EPG5: variants seen among roughly 807,000 people sequenced by gnomAD.
EPG5 encodes the protein ectopic P-granules 5 autophagy tethering factor.
In EPG5, 159 loss-of-function variants were observed where a neutral mutation model predicts 302.7. That is an observed-to-expected ratio of 0.53 (90% CI 0.46 to 0.60). The LOEUF is 0.60. EPG5 is among the 20% of genes least tolerant of loss of function. The probability of loss-of-function intolerance (pLI) is 0.00; values close to 1 mark genes in which losing one functional copy is unlikely to be tolerated. For missense variants in EPG5, 2,896 were observed against 3,092.4 expected (o/e 0.94, Z 1.51); for synonymous variants, 1,158 against 1,136.8 (o/e 1.02, Z -0.37).
chr18:45,949,135 G>A (rs1327004688), intron 5 of EPG5, among the ~76,000 whole-genome samples: 2 of 152,124 alleles, frequency 1.3e-5, no homozygotes, highest in Non-Finnish European at 2.9e-5. Context: ...TGTTTGACCT[G>A]TACCAACTGT....
chr18:45,963,548 A>G (rs2051191638), intron 1 of EPG5, among the ~76,000 whole-genome samples: 1 of 152,148 alleles, frequency 6.6e-6, no homozygotes, highest in Non-Finnish European at 1.5e-5. Context: ...AAGCTGGAGA[A>G]TCGCTTGAAC....
At chr18:45,855,779 G>T (rs1057011653) in intron 42 of EPG5, 92 bp from the exon 43 acceptor site, 1 of 780,922 alleles carries the variant, frequency 1.3e-6, no homozygotes, top group South Asian at 1.5e-5. Flanking sequence ...ATAAAAAGAT[G>T]AACACATTTC....
Position 45,865,293 on chromosome 18 carries a change from G to A in EPG5, c.6766+322C>T, listed in dbSNP as rs78383925. ...TTCTCCAGACACAGTTTCTTGACAA[G>A]TCTACAGGTGATTCTGAAGTGCCCT... On this transcript the variant is annotated intron_variant, in intron 39 of 43. Coordinates refer to ENST00000282041, the MANE Select transcript of EPG5 (RefSeq NM_020964.3). Among the ~76,000 whole-genome samples the A allele has an allele frequency of 0.059, 8,964 of 152,254 alleles. 507 individuals are homozygous for A. The highest frequency in any genetic ancestry group is 0.15 in the African/African-American group (6,144 of 41,526).
chr18:45,846,521 CAAAAAAAAAAAAA>C (rs67294951), downstream of EPG5, among the ~76,000 whole-genome samples: 2 of 46,366 alleles, frequency 4.3e-5, no homozygotes, highest in African/African-American at 9.0e-5. Context: ...AACTCCCTCT[CAAAAAAAAAAAAA>C]AAAAAAAAAA....
Position 45,955,002 on chromosome 18 carries a change from T to C in EPG5, c.400A>G (p.Thr134Ala). The C allele has an allele frequency of 1.2e-6, 2 of 1,614,108 alleles. No individual in the cohort carries two copies. The highest frequency in any genetic ancestry group is 1.3e-5 in the African/African-American group (1 of 75,014). The part of the protein sequence containing the change: ...PGDNVGTKVE[T>A]PKNFTEVEEN... Reference sequence around the variant, plus strand: ...TCTACCTCTGTGAAGTTCTTGGGGGTTTCTACTTTAGTTCCAACATTGTCT... The same window carrying C: ...TCTACCTCTGTGAAGTTCTTGGGGGCTTCTACTTTAGTTCCAACATTGTCT... Residue 134 changes from threonine (T) to alanine (A), a missense_variant, in exon 2 of 44, where the codon ACC (threonine) becomes GCC (alanine). By Grantham distance (58) the Thr-to-Ala change is moderately conservative. Coordinates refer to ENST00000282041, the MANE Select transcript of EPG5 (RefSeq NM_020964.3).
At chr18:45,911,110 C>CACACACACAT (rs1491456763) in intron 22 of EPG5, among the ~76,000 whole-genome samples, 6 of 127,938 alleles carry the variant, frequency 4.7e-5, no homozygotes, top group African/African-American at 1.8e-4. Flanking sequence ...CACACACACA[C>CACACACACAT]ATATATATAT....
downstream of EPG5, among the ~76,000 whole-genome samples, chr18:45,845,420 G>C (rs2048355430): frequency 6.6e-6 from 1 of 152,170 alleles, no homozygotes; most frequent in African/African-American, 2.4e-5. Flanking sequence ...TGCTCCTAGG[G>C]TCAGAGGGGA....
the EPG5 span, among the ~76,000 whole-genome samples, chr18:45,814,553 A>G: frequency 3.9e-5 from 6 of 152,230 alleles, no homozygotes; most frequent in African/African-American, 1.4e-4. Flanking sequence ...ATAACTATAC[A>G]GTTATTATGT....
chr18:45,906,655 A>ATT (rs557629428), intron 24 of EPG5, among the ~76,000 whole-genome samples: 1 of 143,576 alleles, frequency 7.0e-6, no homozygotes, highest in Admixed American at 7.0e-5. Context: ...CACTCTCGTA[A>ATT]TTTTTTTTTT....
chr18:45,887,977 A>G, intron 28 of EPG5, 70 bp from the exon 29 acceptor site: 1 of 1,192,690 alleles, frequency 8.4e-7, no homozygotes, highest in Non-Finnish European at 1.1e-6. Context: ...CTTCTTTGAT[A>G]CCCTACAATT....
the EPG5 span, chr18:45,842,402 A>G: frequency 3.5e-6 from 2 of 578,826 alleles, no homozygotes; most frequent in Non-Finnish European, 6.2e-6. Context: ...TTTTGCCAGC[A>G]TTTCGTAAAT....
intron 26 of EPG5, 22 bp downstream of exon 26, chr18:45,900,974 C>T: frequency 6.3e-7 from 1 of 1,594,686 alleles, no homozygotes; most frequent in Middle Eastern, 1.7e-4. Context: ...GGAACATGAT[C>T]CGTGAGGCTG....
chr18:45,916,544 C>T lies in EPG5; in HGVS notation c.3278G>A (p.Ser1093Asn), dbSNP rs2050037821. 3.1e-6 allele frequency: 5 copies of T among 1,610,938 alleles called. No individual in the cohort carries two copies. Among genetic ancestry groups the T allele is most frequent in the Non-Finnish European group, 4.2e-6 (5 of 1,177,326 alleles). Residue 1093 changes from serine to asparagine, a missense_variant, in exon 18 of 44, where the codon AGC (serine) becomes AAC (asparagine). Physicochemically the swap from Ser to Asn is conservative, Grantham distance 46. This residue lies in a region of EPG5 where 1,390 missense variants were observed against 1,430.0 expected (regional missense o/e 0.97). Coordinates refer to ENST00000282041, the MANE Select transcript of EPG5 (RefSeq NM_020964.3). The stretch of plus-strand genomic sequence containing the variant: ...TTGTGTGACACCCTGAGGGACACCG[C>T]TGTCCAAGTGTAGGAACAAGAGGAG... The part of the protein sequence containing the change: ...SHLLLFLHLD[S>N]GVPQGVTQQV...
chr18:45,898,053 G>T (rs535417318), intron 27 of EPG5, among the ~76,000 whole-genome samples: 1 of 152,332 alleles, frequency 6.6e-6, no homozygotes, highest in East Asian at 1.9e-4. Flanking sequence ...GAGGAATACA[G>T]TGCGGTGATT....
chr18:45,911,072 T>C (rs1052186609), intron 22 of EPG5, among the ~76,000 whole-genome samples: 2 of 134,478 alleles, frequency 1.5e-5, no homozygotes, highest in African/African-American at 5.8e-5. Flanking sequence ...TCTATCTATC[T>C]ATCTATACAC....
At chr18:45,933,561 C>A (rs566970402) in intron 11 of EPG5, among the ~76,000 whole-genome samples, 2 of 151,958 alleles carry the variant, frequency 1.3e-5, no homozygotes, top group South Asian at 4.2e-4. Flanking sequence ...ACCTGTAATC[C>A]CAGCTACTCA....
At position 45,880,060 on chromosome 18, in the gene EPG5, C is replaced by A. The variant is rs757249573; in HGVS notation, c.5667+15G>T. On this transcript the variant is annotated intron_variant, in intron 32 of 43. Coordinates refer to ENST00000282041, the MANE Select transcript of EPG5 (RefSeq NM_020964.3). ...AAGAAATGCACAAACACGTCAGAGACCAAAGGCTACACACCTGCTTGTCTG... is the reference window on the plus strand; with the variant it reads ...AAGAAATGCACAAACACGTCAGAGAACAAAGGCTACACACCTGCTTGTCTG... The A allele has an allele frequency of 3.2e-6, 5 of 1,539,774 alleles. No homozygotes were observed. Among genetic ancestry groups the A allele is most frequent in the African/African-American group, 1.4e-5 (1 of 71,942 alleles).
At position 45,917,702 on chromosome 18, in the gene EPG5, C is replaced by T. The variant is rs763038687; in HGVS notation, c.3216G>A (p.Gln1072=). The change falls in exon 17 of 44, where the codon CAG becomes CAA. Residue 1072 remains glutamine (Q), a synonymous_variant. Transcript: ENST00000282041. ...DKILPLFYPC[Q]YYLLKNEQFL... The stretch of plus-strand genomic sequence containing the variant: ...ACTGCTCATTCTTCAGAAGGTAATA[C>T]TGGCAAGGGTAAAATAAAGGCAGAA... 3 of 1,614,158 alleles carry T rather than the reference C, an allele frequency of 1.9e-6. No individual in the cohort carries two copies. The highest frequency in any genetic ancestry group is 2.2e-5 in the East Asian group (1 of 44,864).
the EPG5 span, among the ~76,000 whole-genome samples, chr18:45,835,264 C>G: frequency 6.6e-6 from 1 of 152,152 alleles, no homozygotes; most frequent in Non-Finnish European, 1.5e-5. Flanking sequence ...CGGCAAGATC[C>G]AGACCAGACC....
Sources: allele counts gnomAD v4.1 joint callset (sites outside exome capture counted in the v4.1 genomes callset), GRCh38; gene constraint gnomAD v4.1.1; regional missense constraint gnomAD v4.1.1; transcripts MANE v1.5; gene names NCBI Gene and HGNC (gene_info 2026-07-23, HGNC 2026-07-21).